Variants in RBFOX1 observed in about 807,000 individuals in gnomAD.
RBFOX1 encodes RNA binding fox-1 homolog 1, also known as RNA binding protein fox-1 homolog 1.
RBFOX1 carries 8 observed loss-of-function variants against 57.7 expected under a neutral mutation model. That is an observed-to-expected ratio of 0.14 (90% CI 0.08 to 0.25). RBFOX1 has a LOEUF of 0.25. Ranked by LOEUF, RBFOX1 falls within the 10% of genes least tolerant of loss-of-function variation. The pLI is 1.00. For synonymous variants in RBFOX1, 326 were observed against 222.4 expected, an observed-to-expected ratio of 1.47 and a Z score of -4.15; for missense variants, 611 against 548.5, an observed-to-expected ratio of 1.11 and a Z score of -1.14.
intron 1 of RBFOX1, among the ~76,000 whole-genome samples, chr16:5,243,708 G>A (rs747849735): frequency 1.3e-5 from 2 of 152,188 alleles, no homozygotes; most frequent in Non-Finnish European, 2.9e-5. Context: ...GAGGGTGACA[G>A]TGTTGAGCTT....
intron 10 of RBFOX1, chr16:7,614,924 C>G (rs912061223): frequency 1.3e-5 from 2 of 152,196 alleles, no homozygotes; most frequent in Non-Finnish European, 2.9e-5. Flanking sequence ...ATATAAAGGT[C>G]TTTTTTCCTA....
At chr16:6,818,742 C>G (rs1455072969) in intron 3 of RBFOX1, among the ~76,000 whole-genome samples, 4 of 152,166 alleles carry the variant, frequency 2.6e-5, no homozygotes, top group African/African-American at 9.7e-5. Flanking sequence ...ATAGAAAAAG[C>G]CCCAAGCTTC....
chr16:6,459,008 A>C (rs2534760), intron 2 of RBFOX1, among the ~76,000 whole-genome samples: 3 of 151,998 alleles, frequency 2.0e-5, no homozygotes, highest in African/African-American at 7.3e-5. Context: ...ATTCCACTAG[A>C]AATTAAGTGC....
intron 1 of RBFOX1, among the ~76,000 whole-genome samples, chr16:5,404,993 C>G (rs917168640): frequency 6.6e-6 from 1 of 152,222 alleles, no homozygotes; most frequent in Non-Finnish European, 1.5e-5. Flanking sequence ...ATGCCATGGA[C>G]TATTTTACAT....
chr16:6,602,702 C>G (rs1555602946), intron 2 of RBFOX1, among the ~76,000 whole-genome samples: 2 of 152,128 alleles, frequency 1.3e-5, no homozygotes, highest in Non-Finnish European at 2.9e-5. Flanking sequence ...TGAACTATGT[C>G]CAGGCTCAAG....
At chr16:5,680,498 C>A (rs533725676) in intron 3 of RBFOX1, among the ~76,000 whole-genome samples, 7 of 152,112 alleles carry the variant, frequency 4.6e-5, no homozygotes, top group African/African-American at 1.7e-4. Context: ...GTGAGTCAAG[C>A]TATTAGGTTT....
At chr16:5,621,291 A>G (rs1172449562) in intron 3 of RBFOX1, among the ~76,000 whole-genome samples, 1 of 152,182 alleles carries the variant, frequency 6.6e-6, no homozygotes, top group East Asian at 1.9e-4. Flanking sequence ...TTTCAGCTGA[A>G]TTAACCTTTT....
chr16:6,613,529 AATATG>A (rs1324287808), intron 2 of RBFOX1, among the ~76,000 whole-genome samples: 4 of 152,306 alleles, frequency 2.6e-5, no homozygotes, highest in South Asian at 4.1e-4. Flanking sequence ...GACATTGTAA[AATATG>A]ATATGTTTAC....
intron 4 of RBFOX1, among the ~76,000 whole-genome samples, chr16:7,068,141 T>A (rs2056545185): frequency 6.6e-6 from 1 of 151,982 alleles, no homozygotes; most frequent in South Asian, 2.1e-4. Flanking sequence ...TCCAGGATAA[T>A]CTCCCTATTT....
chr16:5,347,282 C>T (rs2065160693), intron 1 of RBFOX1, among the ~76,000 whole-genome samples: 1 of 152,136 alleles, frequency 6.6e-6, no homozygotes, highest in Non-Finnish European at 1.5e-5. Context: ...ACATTCAGTG[C>T]TGTATATGTG....
At chr16:5,864,202 G>C (rs912962566) in intron 3 of RBFOX1, among the ~76,000 whole-genome samples, 4 of 152,170 alleles carry the variant, frequency 2.6e-5, no homozygotes, top group Admixed American at 6.5e-5. Flanking sequence ...ATGGCCTCCA[G>C]CTCCATCGAT....
chr16:7,263,051 C>A (rs1567944365), intron 4 of RBFOX1, among the ~76,000 whole-genome samples: 1 of 152,188 alleles, frequency 6.6e-6, no homozygotes, highest in Non-Finnish European at 1.5e-5. Flanking sequence ...ACTGTTCTCT[C>A]CTCTAGTCTC....
At chr16:5,481,244 G>A (rs1159160529) in intron 2 of RBFOX1, among the ~76,000 whole-genome samples, 1 of 152,140 alleles carries the variant, frequency 6.6e-6, no homozygotes, top group Non-Finnish European at 1.5e-5. Context: ...GGCAGGACTG[G>A]GGTCTTCTCT....
rs1271009878 is a variant in RBFOX1 at position 6,079,222 on chromosome 16, C to A, written c.-127+59230C>A. Among the ~76,000 whole-genome samples the A allele has an allele frequency of 9.2e-5, 14 of 152,336 alleles. No homozygotes were observed. The South Asian group carries it at 2.5e-3, about 27-fold the overall frequency. ...TCGGGAGGCTGAGGCAGGATAATTG[C>A]TTGAACTGGGGAGGTGGAGGTTGTA... On this transcript the variant is annotated intron_variant, in intron 1 of 15. Transcript: ENST00000550418.
At chr16:6,597,690 C>T (rs1275968671) in intron 2 of RBFOX1, among the ~76,000 whole-genome samples, 1 of 151,822 alleles carries the variant, frequency 6.6e-6, no homozygotes, top group Non-Finnish European at 1.5e-5. Context: ...AAAACAAAAC[C>T]AAAAAACAGG....
intron 3 of RBFOX1, among the ~76,000 whole-genome samples, chr16:5,657,603 G>A (rs1380160670): frequency 3.7e-5 from 5 of 136,132 alleles, no homozygotes; most frequent in African/African-American, 8.6e-5. Flanking sequence ...ATTCTTTCTC[G>A]CTCGCTTTCT....
intron 1 of RBFOX1, among the ~76,000 whole-genome samples, chr16:5,461,239 A>C (rs2068778075): frequency 6.6e-6 from 1 of 152,190 alleles, no homozygotes; most frequent in Admixed American, 6.5e-5. Context: ...TAGAGTGGTA[A>C]CATCTGAACT....
rs1567535053 is a variant in RBFOX1 at position 5,454,890 on chromosome 16, CTTT to C, written c.220-12325_220-12323del. On this transcript the variant is annotated intron_variant, in intron 1 of 2. Transcript: ENST00000585867. Reference sequence around the variant, plus strand: ...TCTTTCTTTCTTTCTTTCTTTCTTTCTTTCTTTCTTTCTTTCTTTCTTTCCTTT... The same window carrying C: ...TCTTTCTTTCTTTCTTTCTTTCTTTCCTTTCTTTCTTTCTTTCTTTCCTTT... Among the ~76,000 whole-genome samples, 370 of 91,566 alleles carry C rather than the reference CTTT, an allele frequency of 4.0e-3. 18 individuals are homozygous for C. Among genetic ancestry groups the C allele is most frequent in the East Asian group, 0.027 (87 of 3,248 alleles). 60.1% of individuals were successfully genotyped at this position (91,566 alleles called of 152,430 possible).
chr16:7,041,089 T>TTTC (rs2046018319), intron 3 of RBFOX1, among the ~76,000 whole-genome samples: 1 of 119,714 alleles, frequency 8.4e-6, no homozygotes, highest in Non-Finnish European at 1.6e-5. Context: ...CTAATTTTTT[T>TTTC]TTTTTTTTTT....
Sources: gnomAD v4.1 joint callset for allele counts (sites outside exome capture counted in the v4.1 genomes callset) on GRCh38, gnomAD v4.1.1 for gene constraint, MANE v1.5 for transcripts, NCBI Gene and HGNC (gene_info 2026-07-23, HGNC 2026-07-21) for gene names.